CMSS1: variants seen among roughly 807,000 people sequenced by gnomAD.
CMSS1 encodes the protein protein CMSS1.
CMSS1 carries 33 observed loss-of-function variants against 43.5 expected under a neutral mutation model. The observed-to-expected ratio is 0.76, with a 90% CI of 0.57 to 1.01. The LOEUF is 1.01. Among genes scored for constraint, CMSS1 ranks in the 50% least tolerant of loss-of-function variants. The pLI, the probability that CMSS1 is intolerant of heterozygous loss-of-function variation, is 0.00. For synonymous variants in CMSS1, 115 were observed against 117.2 expected (o/e 0.98, Z 0.12); for missense variants, 313 against 326.4 (o/e 0.96, Z 0.32).
chr3:99,893,644 C>T (rs2107617504), intron 1 of CMSS1, among the ~76,000 whole-genome samples: 1 of 152,236 alleles, frequency 6.6e-6, no homozygotes, highest in East Asian at 1.9e-4. Flanking sequence ...TTGACAAAAG[C>T]AGATAGCTAA....
chr3:99,850,114 G>A, intron 1 of CMSS1: 1 of 1,612,866 alleles, frequency 6.2e-7, no homozygotes, highest in Non-Finnish European at 8.5e-7. Context: ...CTGAGAAGAA[G>A]CAGCTTGTAA....
At chr3:99,824,700 A>G (rs991800824) in intron 1 of CMSS1, among the ~76,000 whole-genome samples, 1 of 152,264 alleles carries the variant, frequency 6.6e-6, no homozygotes. Context: ...TCAAAATTAC[A>G]TTAGTAGTCC....
intron 1 of CMSS1, among the ~76,000 whole-genome samples, chr3:100,086,911 T>C (rs937068932): frequency 6.6e-6 from 1 of 152,182 alleles, no homozygotes; most frequent in Non-Finnish European, 1.5e-5. Context: ...TTTTTTCTGT[T>C]CCTCTAATTT....
chr3:99,911,832 T>G (rs1272874775), intron 1 of CMSS1, among the ~76,000 whole-genome samples: 1 of 152,334 alleles, frequency 6.6e-6, no homozygotes. Context: ...ATTATTTTTT[T>G]TTCCTAGTTC....
At chr3:100,069,153 A>G (rs1039892373) in intron 1 of CMSS1, among the ~76,000 whole-genome samples, 1 of 152,096 alleles carries the variant, frequency 6.6e-6, no homozygotes, top group Non-Finnish European at 1.5e-5. Flanking sequence ...CTACTCCTTT[A>G]AGGTCAGTGG....
intron 1 of CMSS1, among the ~76,000 whole-genome samples, chr3:100,098,499 A>G (rs1199499828): frequency 1.3e-5 from 2 of 152,238 alleles, no homozygotes; most frequent in African/African-American, 4.8e-5. Context: ...GCAGATAGCA[A>G]GCACTCAAGA....
chr3:99,872,269 CTGTGTGTGTGTG>C (rs55727823), intron 1 of CMSS1, among the ~76,000 whole-genome samples: 7,629 of 110,820 alleles, frequency 0.069, 264 homozygotes, highest in South Asian at 0.14. Context: ...TGTGCCAGGA[CTGTGTGTGTGTG>C]TGTGTGTGTG....
intron 1 of CMSS1, among the ~76,000 whole-genome samples, chr3:100,136,417 T>C (rs918515514): frequency 1.3e-5 from 2 of 152,198 alleles, no homozygotes; most frequent in Non-Finnish European, 1.5e-5. Flanking sequence ...GCCAGGAGGC[T>C]GAGGGCCGAA....
intron 1 of CMSS1, chr3:99,876,059 C>G: frequency 3.0e-6 from 3 of 985,966 alleles, no homozygotes; most frequent in Non-Finnish European, 3.6e-6. Flanking sequence ...CGAAGTTGCT[C>G]TCCCGGGCTT....
intron 1 of CMSS1, chr3:99,833,312 C>A: frequency 6.7e-7 from 1 of 1,490,318 alleles, no homozygotes; most frequent in East Asian, 2.3e-5. Flanking sequence ...ATATTAAATT[C>A]TAAAAGTGTT....
At chr3:100,071,110 T>TTG (rs1287215281) in intron 1 of CMSS1, among the ~76,000 whole-genome samples, 1 of 149,936 alleles carries the variant, frequency 6.7e-6, no homozygotes, top group African/African-American at 2.5e-5. Flanking sequence ...TTTTTTTTTT[T>TTG]TGGATGGATT....
At chr3:100,014,167 C>T (rs1020317417) in intron 1 of CMSS1, among the ~76,000 whole-genome samples, 2 of 150,516 alleles carry the variant, frequency 1.3e-5, no homozygotes, top group African/African-American at 4.9e-5. Context: ...CTTTGTAAAC[C>T]CTGAATAGTA....
At chr3:100,096,893 C>T (rs1180796254) in intron 1 of CMSS1, among the ~76,000 whole-genome samples, 4 of 152,028 alleles carry the variant, frequency 2.6e-5, no homozygotes, top group Non-Finnish European at 5.9e-5. Context: ...ATATATACAC[C>T]TACTATGTAC....
chr3:100,123,118 G>T (rs1334179089), intron 1 of CMSS1, among the ~76,000 whole-genome samples: 2 of 152,232 alleles, frequency 1.3e-5, no homozygotes, highest in Non-Finnish European at 2.9e-5. Flanking sequence ...AGTACATCTT[G>T]TGATAGTGCT....
At chr3:99,963,667 A>G (rs1034368077) in intron 1 of CMSS1, among the ~76,000 whole-genome samples, 1 of 151,454 alleles carries the variant, frequency 6.6e-6, no homozygotes, top group African/African-American at 2.4e-5. Context: ...GCTGGAGTGC[A>G]GTGGCGTGAT....
At chr3:100,149,360 A>G (rs545347168) in intron 2 of CMSS1, among the ~76,000 whole-genome samples, 2 of 152,132 alleles carry the variant, frequency 1.3e-5, no homozygotes, top group South Asian at 2.1e-4. Flanking sequence ...TGTTGCTTTC[A>G]CTTTCCTTTT....
At chr3:100,014,693 T>C (rs1451623560) in intron 1 of CMSS1, among the ~76,000 whole-genome samples, 1 of 152,036 alleles carries the variant, frequency 6.6e-6, no homozygotes. Context: ...ATTTTCTTGC[T>C]ATTGAGTTCT....
chr3:100,086,570 T>G (rs180924409), intron 1 of CMSS1, among the ~76,000 whole-genome samples: 1 of 152,222 alleles, frequency 6.6e-6, no homozygotes, highest in Non-Finnish European at 1.5e-5. Flanking sequence ...AAAATTAAAC[T>G]GGTATTTATT....
intron 1 of CMSS1, among the ~76,000 whole-genome samples, chr3:100,140,474 T>G (rs2066795599): frequency 6.6e-6 from 1 of 151,830 alleles, no homozygotes; most frequent in Non-Finnish European, 1.5e-5. Context: ...CTTCTTTTGC[T>G]TGGCATCATG....
Sources: gnomAD v4.1 joint callset for allele counts (sites outside exome capture counted in the v4.1 genomes callset) on GRCh38, gnomAD v4.1.1 for gene constraint, MANE v1.5 for transcripts, NCBI Gene and HGNC (gene_info 2026-07-23, HGNC 2026-07-21) for gene names.